CLSTN2: variants seen among roughly 807,000 people sequenced by gnomAD.
CLSTN2 encodes calsyntenin 2.
CLSTN2 carries 48 observed loss-of-function variants against 101.2 expected under a neutral mutation model. That is an observed-to-expected ratio of 0.47 (90% CI 0.38 to 0.60). The LOEUF is 0.60. Among genes scored for constraint, CLSTN2 ranks in the 20% least tolerant of loss-of-function variants. The probability of loss-of-function intolerance (pLI) is 0.00; values close to 1 mark genes in which losing one functional copy is unlikely to be tolerated. For synonymous variants in CLSTN2, 481 were observed against 463.6 expected, an observed-to-expected ratio of 1.04 and a Z score of -0.48; for missense variants, 1,160 against 1,238.2, an observed-to-expected ratio of 0.94 and a Z score of 0.95.
At chr3:140,220,420 G>A (rs978287417) in intron 2 of CLSTN2, among the ~76,000 whole-genome samples, 5 of 152,184 alleles carry the variant, frequency 3.3e-5, no homozygotes, top group East Asian at 1.9e-4. Context: ...TTGGCCTGTC[G>A]TCTTCCTTCT....
intron 5 of CLSTN2, among the ~76,000 whole-genome samples, chr3:140,445,752 T>C (rs1406746967): frequency 6.6e-6 from 1 of 152,116 alleles, no homozygotes; most frequent in Admixed American, 6.5e-5. Context: ...CAAGGTTAGA[T>C]GTCTGCGGCT....
chr3:139,977,750 C>T (rs1487767397), intron 1 of CLSTN2, among the ~76,000 whole-genome samples: 1 of 152,158 alleles, frequency 6.6e-6, no homozygotes, highest in East Asian at 1.9e-4. Context: ...GCAGCCTGGG[C>T]ATTGCAGAAG....
intron 1 of CLSTN2, among the ~76,000 whole-genome samples, chr3:140,160,321 A>G (rs1051977067): frequency 1.3e-5 from 2 of 152,174 alleles, no homozygotes; most frequent in African/African-American, 2.4e-5. Context: ...TAAATTTAAT[A>G]TGGTGAGCCC....
chr3:140,451,377 G>A (rs1933247301), intron 6 of CLSTN2, among the ~76,000 whole-genome samples: 1 of 152,190 alleles, frequency 6.6e-6, no homozygotes, highest in Non-Finnish European at 1.5e-5. Flanking sequence ...AGAAGGGCAG[G>A]TTAATTCAGC....
chr3:140,534,755 C>T (rs936965179), intron 9 of CLSTN2, among the ~76,000 whole-genome samples: 3 of 145,860 alleles, frequency 2.1e-5, no homozygotes, highest in African/African-American at 7.6e-5. Context: ...CATCTAACTA[C>T]ATCAGGGCAA....
At chr3:140,165,889 C>T (rs1257165797) in intron 1 of CLSTN2, among the ~76,000 whole-genome samples, 1 of 152,166 alleles carries the variant, frequency 6.6e-6, no homozygotes, top group East Asian at 1.9e-4. Flanking sequence ...AGGAGAATAA[C>T]TATTGAAAGG....
chr3:139,995,823 A>G (rs1464616192), intron 1 of CLSTN2, among the ~76,000 whole-genome samples: 1 of 152,212 alleles, frequency 6.6e-6, no homozygotes, highest in African/African-American at 2.4e-5. Flanking sequence ...ACTTTAATAG[A>G]TGGAAGTTTT....
intron 2 of CLSTN2, among the ~76,000 whole-genome samples, chr3:140,286,213 G>A (rs1364169310): frequency 6.6e-6 from 1 of 152,168 alleles, no homozygotes; most frequent in Non-Finnish European, 1.5e-5. Context: ...CCAATAGCCT[G>A]TGGAATAGAC....
At position 140,387,907 on chromosome 3, in the gene CLSTN2, A is replaced by G. The variant is rs550997012; in HGVS notation, c.233-15722A>G. 1.6e-4 allele frequency among the ~76,000 whole-genome samples: 24 copies of G among 152,358 alleles called. No individual in the cohort carries two copies. In the South Asian group the frequency reaches 4.6e-3, roughly 29 times the overall value. On this transcript the variant is annotated intron_variant, in intron 2 of 16. Transcript: ENST00000458420. ...TTCAGATTTTTTGTTTCTGGCCAGT[A>G]TAACACTTGCGATCATTCATTCACC...
chr3:140,211,398 T>TCACACACACACACACACACACACA (rs59994883), intron 2 of CLSTN2, among the ~76,000 whole-genome samples: 73 of 113,476 alleles, frequency 6.4e-4, no homozygotes, highest in Non-Finnish European at 5.3e-4. Context: ...GCTTGGTAAT[T>TCACACACACACACACACACACACA]CACACACACA....
chr3:140,299,774 C>T (rs2087041186), intron 2 of CLSTN2, among the ~76,000 whole-genome samples: 1 of 152,192 alleles, frequency 6.6e-6, no homozygotes, highest in Admixed American at 6.5e-5. Context: ...ATGGTTTCTT[C>T]TTTGGCTATA....
Position 139,948,754 on chromosome 3 carries a change from A to G in CLSTN2, c.109+13271A>G, listed in dbSNP as rs552358497. 7.9e-5 allele frequency among the ~76,000 whole-genome samples: 12 copies of G among 152,260 alleles called. No individual in the cohort carries two copies. In the East Asian group the frequency reaches 2.1e-3, roughly 27 times the overall value. ...AGCCCTTGGTGGATCTTCCAGATAC[A>G]CACACACAGTCACTCCTGCTCAAAA... On this transcript the variant is annotated intron_variant, in intron 1 of 16. Coordinates refer to ENST00000458420, the MANE Select transcript of CLSTN2 (RefSeq NM_022131.3).
At chr3:140,318,372 G>A (rs750226794) in intron 2 of CLSTN2, among the ~76,000 whole-genome samples, 1 of 152,166 alleles carries the variant, frequency 6.6e-6, no homozygotes, top group Non-Finnish European at 1.5e-5. Context: ...ATAGGGTCAG[G>A]TTCAGTAAAG....
intron 1 of CLSTN2, among the ~76,000 whole-genome samples, chr3:140,082,067 A>T (rs2008607671): frequency 6.6e-6 from 1 of 152,188 alleles, no homozygotes; most frequent in South Asian, 2.1e-4. Flanking sequence ...AACACCTTAA[A>T]TGGAGCAGCA....
chr3:140,448,738 A>C (rs1459543303), intron 6 of CLSTN2, 34 bp downstream of exon 6: 2 of 1,568,076 alleles, frequency 1.3e-6, no homozygotes, highest in Non-Finnish European at 1.8e-6. Flanking sequence ...TTAAAAATCA[A>C]TTGCTTTTAA....
At chr3:140,440,021 T>C (rs928288097) in intron 5 of CLSTN2, among the ~76,000 whole-genome samples, 12 of 152,382 alleles carry the variant, frequency 7.9e-5, no homozygotes, top group African/African-American at 2.4e-4. Context: ...GTACAAGTCA[T>C]GCTCCTGAGT....
intron 4 of CLSTN2, among the ~76,000 whole-genome samples, chr3:140,410,334 A>G (rs987127291): frequency 6.6e-6 from 1 of 151,596 alleles, no homozygotes; most frequent in African/African-American, 2.4e-5. Context: ...CACTGAAGCT[A>G]TCAGTATATT....
rs1421150562 is a variant in CLSTN2, at chr3:140,567,735, CA to C, written c.*1484del. 1 of 152,162 alleles carries C rather than the reference CA, an allele frequency of 6.6e-6. No individual in the cohort carries two copies. The highest frequency in any genetic ancestry group is 2.4e-5 in the African/African-American group (1 of 41,428). The allele number at this position is 152,162 out of a possible 1,614,324, so 9.4% of individuals were successfully genotyped here. A position where few individuals can be genotyped will look rare whatever the true frequency, so the allele number is the denominator to read the frequency against. ...CCTTCACTCCTCCTCAAGCTCACAC[CA>C]ATTGGTTTGGCACAGGCACAGAGCT... On this transcript the variant is annotated 3_prime_UTR_variant, in exon 17 of 17. Transcript: ENST00000458420.
At chr3:140,033,171 G>A (rs144295168) in intron 1 of CLSTN2, among the ~76,000 whole-genome samples, 1 of 152,230 alleles carries the variant, frequency 6.6e-6, no homozygotes, top group Non-Finnish European at 1.5e-5. Flanking sequence ...ACTATAGTGT[G>A]CTCTGAGACA....
Sources: allele counts gnomAD v4.1 joint callset (sites outside exome capture counted in the v4.1 genomes callset), GRCh38; gene constraint gnomAD v4.1.1; transcripts MANE v1.5; gene names NCBI Gene and HGNC (gene_info 2026-07-23, HGNC 2026-07-21).